Variants in MAP2K4 observed in about 807,000 individuals in gnomAD.
MAP2K4 encodes dual specificity mitogen-activated protein kinase kinase 4.
Under a neutral mutation model 48.5 loss-of-function variants are expected in MAP2K4, and 4 were observed. The ratio of observed to expected loss-of-function variants is 0.08; its 90% CI spans 0.04 to 0.19. The LOEUF (loss-of-function observed/expected upper bound fraction) is 0.19. Among genes scored for constraint, MAP2K4 ranks in the 10% least tolerant of loss-of-function variants. MAP2K4 has a pLI of 1.00. For synonymous variants in MAP2K4, 166 were observed against 173.1 expected, an observed-to-expected ratio of 0.96 and a Z score of 0.32; for missense variants, 258 against 493.3, an observed-to-expected ratio of 0.52 and a Z score of 4.52.
At chr17:12,060,144 G>GT (rs1970402909) in intron 2 of MAP2K4, among the ~76,000 whole-genome samples, 1 of 151,358 alleles carries the variant, frequency 6.6e-6, no homozygotes, top group South Asian at 2.1e-4. Context: ...TCCAGCCTGT[G>GT]TAAGAGTTGA....
chr17:12,080,565 T>C (rs1250455889), intron 2 of MAP2K4, among the ~76,000 whole-genome samples: 1 of 152,198 alleles, frequency 6.6e-6, no homozygotes, highest in South Asian at 2.1e-4. Flanking sequence ...TGAGCTCTTT[T>C]GTCTACGAGC....
chr17:12,128,222 C>T (rs1178067952), intron 8 of MAP2K4, among the ~76,000 whole-genome samples: 2 of 152,114 alleles, frequency 1.3e-5, no homozygotes, highest in African/African-American at 4.8e-5. Flanking sequence ...GGACTACAGG[C>T]GCCTGCCACC....
chr17:12,049,732 T>C (rs996301039), intron 1 of MAP2K4, among the ~76,000 whole-genome samples: 2 of 152,140 alleles, frequency 1.3e-5, no homozygotes, highest in African/African-American at 4.8e-5. Flanking sequence ...TGCTATAGTA[T>C]TGTGGTTAAA....
rs371746849 is a variant in MAP2K4 at position 12,129,260 on chromosome 17, C to T, written c.1013C>T (p.Pro338Leu). Residue 338 changes from proline to leucine, a missense_variant, in exon 9 of 11, where the codon CCG becomes CTG. Around this residue, in one of 3 missense-constraint regions of MAP2K4, gnomAD observed 57 missense variants for 84.3 expected, o/e 0.68. Coordinates refer to ENST00000353533, the MANE Select transcript of MAP2K4 (RefSeq NM_003010.4). ...AATTCTGAGGAAAGGGAATTCTCCCCGAGTTTCATCAACTTTGTCAACTTG... is the reference window on the plus strand; with the variant it reads ...AATTCTGAGGAAAGGGAATTCTCCCTGAGTTTCATCAACTTTGTCAACTTG... ...LSNSEEREFSPSFINFVNLCL... is the reference protein window; with the variant it reads ...LSNSEEREFSLSFINFVNLCL... 9.9e-6 allele frequency: 16 copies of T among 1,614,080 alleles called. No individual in the cohort carries two copies. Among genetic ancestry groups the T allele is most frequent in the East Asian group, 2.2e-5 (1 of 44,896 alleles).
At chr17:12,094,764 T>C (rs1971677458) in intron 3 of MAP2K4, among the ~76,000 whole-genome samples, 2 of 152,156 alleles carry the variant, frequency 1.3e-5, no homozygotes, top group Non-Finnish European at 2.9e-5. Context: ...GGCAGTCTCT[T>C]AGAAATGTGC....
intron 3 of MAP2K4, among the ~76,000 whole-genome samples, chr17:12,087,259 A>T (rs1430868883): frequency 1.3e-5 from 2 of 152,128 alleles, no homozygotes; most frequent in African/African-American, 2.4e-5. Context: ...TATGCCTCTG[A>T]AATTTGTTGT....
intron 3 of MAP2K4, among the ~76,000 whole-genome samples, chr17:12,091,369 G>C (rs1567655265): frequency 6.6e-6 from 1 of 152,178 alleles, no homozygotes; most frequent in Admixed American, 6.5e-5. Context: ...ATGTTGCTGT[G>C]TTTTGTGACG....
intron 2 of MAP2K4, among the ~76,000 whole-genome samples, chr17:12,078,593 G>C (rs1422684264): frequency 6.6e-6 from 1 of 152,104 alleles, no homozygotes; most frequent in African/African-American, 2.4e-5. Flanking sequence ...CCAAGGAAAA[G>C]TCAGGGAACT....
intron 7 of MAP2K4, among the ~76,000 whole-genome samples, chr17:12,115,334 T>C (rs771745919): frequency 6.6e-6 from 1 of 152,202 alleles, no homozygotes; most frequent in African/African-American, 2.4e-5. Flanking sequence ...AAATCATAAG[T>C]GTACTTACAC....
chr17:12,037,551 A>G (rs1969639272), intron 1 of MAP2K4, among the ~76,000 whole-genome samples: 1 of 152,174 alleles, frequency 6.6e-6, no homozygotes, highest in Non-Finnish European at 1.5e-5. Flanking sequence ...AAATTATTAA[A>G]TTCAACTGAG....
chr17:12,080,921 G>T (rs978704877), intron 2 of MAP2K4, among the ~76,000 whole-genome samples: 25 of 152,282 alleles, frequency 1.6e-4, no homozygotes, highest in African/African-American at 5.5e-4. Flanking sequence ...TGAAGATTGA[G>T]GCACTGGAAT....
intron 9 of MAP2K4, among the ~76,000 whole-genome samples, chr17:12,135,326 C>T (rs997218042): frequency 1.3e-5 from 2 of 152,110 alleles, no homozygotes; most frequent in African/African-American, 2.4e-5. Context: ...TCAGGTGATC[C>T]GCCTGCCTCG....
intron 6 of MAP2K4, among the ~76,000 whole-genome samples, chr17:12,111,403 T>C (rs1182814503): frequency 6.6e-6 from 1 of 152,186 alleles, no homozygotes; most frequent in African/African-American, 2.4e-5. Context: ...TTTTTTCTTT[T>C]GGCCTAAAAT....
intron 2 of MAP2K4, among the ~76,000 whole-genome samples, chr17:12,080,733 A>C (rs1300989324): frequency 6.6e-6 from 1 of 152,246 alleles, no homozygotes; most frequent in Non-Finnish European, 1.5e-5. Context: ...ATACTAAGGC[A>C]CTAGTTCCCA....
At chr17:12,041,535 A>T (rs1272031709) in intron 1 of MAP2K4, among the ~76,000 whole-genome samples, 1 of 152,230 alleles carries the variant, frequency 6.6e-6, no homozygotes, top group Admixed American at 6.5e-5. Flanking sequence ...CAAAGCCAGA[A>T]GATGTCTGAC....
intron 3 of MAP2K4, among the ~76,000 whole-genome samples, chr17:12,086,553 C>T (rs1971367771): frequency 6.6e-6 from 1 of 152,082 alleles, no homozygotes; most frequent in African/African-American, 2.4e-5. Flanking sequence ...CAGCCAAAAT[C>T]AGTACTGTTC....
intron 9 of MAP2K4, among the ~76,000 whole-genome samples, chr17:12,131,830 A>G (rs1186348874): frequency 6.6e-6 from 1 of 152,208 alleles, no homozygotes; most frequent in African/African-American, 2.4e-5. Context: ...TTTCATACTT[A>G]TATTCGACGA....
intron 2 of MAP2K4, among the ~76,000 whole-genome samples, chr17:12,056,146 A>G (rs1970276437): frequency 6.6e-6 from 1 of 152,102 alleles, no homozygotes; most frequent in Non-Finnish European, 1.5e-5. Context: ...CTAATTCTTT[A>G]ACATAGCCCC....
intron 9 of MAP2K4, among the ~76,000 whole-genome samples, chr17:12,133,510 T>G (rs1307977484): frequency 6.6e-6 from 1 of 152,216 alleles, no homozygotes; most frequent in Non-Finnish European, 1.5e-5. Flanking sequence ...CTCTAGGGCC[T>G]GTTCAGTGGT....
Sources: allele counts gnomAD v4.1 joint callset (sites outside exome capture counted in the v4.1 genomes callset), GRCh38; gene constraint gnomAD v4.1.1; regional missense constraint gnomAD v4.1.1; transcripts MANE v1.5; gene names NCBI Gene and HGNC (gene_info 2026-07-23, HGNC 2026-07-21).